Variants in ZC3H7B observed in about 807,000 individuals in gnomAD.
ZC3H7B encodes the protein zinc finger CCCH domain-containing protein 7B.
ZC3H7B carries 35 observed loss-of-function variants against 116.0 expected under a neutral mutation model. The observed-to-expected ratio is 0.30, with a 90% CI of 0.23 to 0.40. The LOEUF (loss-of-function observed/expected upper bound fraction) is 0.40. Ranked by LOEUF, ZC3H7B falls within the 10% of genes least tolerant of loss-of-function variation. The pLI is 1.00. For synonymous variants in ZC3H7B, 502 were observed against 545.6 expected (o/e 0.92, Z 1.11); for missense variants, 1,011 against 1,321.5 (o/e 0.77, Z 3.64).
chr22:41,315,959 A>T (rs1292687412), intron 1 of ZC3H7B, among the ~76,000 whole-genome samples: 2 of 152,004 alleles, frequency 1.3e-5, no homozygotes, highest in Non-Finnish European at 2.9e-5. Context: ...ACCTTATCAC[A>T]TACAAAATAC....
rs1208592048 is a variant in ZC3H7B, at chr22:41,351,281, G to A, written c.1949-280G>A. 6.6e-6 allele frequency among the ~76,000 whole-genome samples: 1 copy of A among 152,176 alleles called. No homozygotes were observed. Among genetic ancestry groups the A allele is most frequent in the Non-Finnish European group, 1.5e-5 (1 of 68,014 alleles). ...CAGGGTCACTGGCATGGGAGCAGAG[G>A]ACTCCCTACCACAGTACAGAGCCAA... is the stretch of plus-strand genomic sequence containing the variant. On this transcript the variant is annotated intron_variant, in intron 16 of 22. Coordinates refer to ENST00000352645, the MANE Select transcript of ZC3H7B (RefSeq NM_017590.6). The surrounding 1 kb of genome is among the most constrained non-coding windows in gnomAD (Gnocchi z 5.1).
In ZC3H7B at chr22:41,339,765, C is replaced by T. The variant is rs372461596; in HGVS notation, c.817-51C>T. On this transcript the variant is annotated intron_variant, in intron 9 of 22. Transcript: ENST00000352645. ...TCCCCAAGTCCTGATGCTGCCCAGG[C>T]CTGGGCAGTCCTGTTTTCCTCTGAC... The T allele has an allele frequency of 2.4e-5, 37 of 1,522,904 alleles. No homozygotes were observed. The African/African-American group carries it at 4.3e-4, about 18-fold the overall frequency. The allele number at this position is 1,522,904 out of a possible 1,614,324, so 94.3% of individuals were successfully genotyped here. A position where few individuals can be genotyped will look rare whatever the true frequency, so the allele number is the denominator to read the frequency against.
chr22:41,353,339 C>T (rs1457852239), intron 17 of ZC3H7B, among the ~76,000 whole-genome samples: 1 of 152,234 alleles, frequency 6.6e-6, no homozygotes, highest in African/African-American at 2.4e-5. Context: ...CCGGGGCTCG[C>T]TCTTCTCCCT....
chr22:41,341,174 C>T (rs372254736), intron 11 of ZC3H7B, 28 bp downstream of exon 11: 136 of 1,613,202 alleles, frequency 8.4e-5, no homozygotes, highest in Non-Finnish European at 1.1e-4. Flanking sequence ...GGATCCAGGC[C>T]TCTCATTCCC....
chr22:41,322,796 CTT>C (rs982928505), intron 2 of ZC3H7B, among the ~76,000 whole-genome samples: 3 of 152,146 alleles, frequency 2.0e-5, no homozygotes, highest in East Asian at 1.9e-4. Flanking sequence ...GTAAAACACT[CTT>C]TGCCTTTTCT....
chr22:41,325,539 G>A (rs752993430), intron 2 of ZC3H7B, 25 bp from the exon 3 acceptor site: 1 of 1,604,456 alleles, frequency 6.2e-7, no homozygotes, highest in Non-Finnish European at 8.5e-7. Context: ...GCTCACCCAG[G>A]CCTCGTGTTT....
At chr22:41,356,150 C>T (rs2036714121) in intron 20 of ZC3H7B, 88 bp downstream of exon 20, 1 of 1,440,448 alleles carries the variant, frequency 6.9e-7, no homozygotes. Flanking sequence ...CAAGAGCGTC[C>T]ACTGCACCCC....
In ZC3H7B at chr22:41,357,044, G is replaced by A. The variant is rs1411487601; in HGVS notation, c.2682-133G>A. 54 of 1,450,446 alleles carry A rather than the reference G, an allele frequency of 3.7e-5. No homozygotes were observed. Among genetic ancestry groups the A allele is most frequent in the Non-Finnish European group, 4.5e-5 (49 of 1,087,518 alleles). The allele number at this position is 1,450,446 out of a possible 1,614,324, so 89.8% of individuals were successfully genotyped here. A position where few individuals can be genotyped will look rare whatever the true frequency, so the allele number is the denominator to read the frequency against. On this transcript the variant is annotated intron_variant, in intron 22 of 22. Coordinates refer to ENST00000352645, the MANE Select transcript of ZC3H7B (RefSeq NM_017590.6). This position sits in a 1 kb window ranked among gnomAD's most constrained non-coding sequence, Gnocchi z 5.4. Reference sequence around the variant, plus strand: ...TCCCAGAGAGGGTCAGGACACCCAGGTTTTCCCTGAGCTGGGACCCAGCTG... The same window carrying A: ...TCCCAGAGAGGGTCAGGACACCCAGATTTTCCCTGAGCTGGGACCCAGCTG...
At chr22:41,337,210 T>C in intron 7 of ZC3H7B, among the ~76,000 whole-genome samples, 1 of 148,690 alleles carries the variant, frequency 6.7e-6, no homozygotes, top group African/African-American at 2.5e-5. Context: ...TGCCTGTAAT[T>C]CCAGCTACTC....
At position 41,356,013 on chromosome 22, in the gene ZC3H7B, A is replaced by C. The variant is rs924570269; in HGVS notation, c.2334A>C (p.Ala778=). The change falls in exon 20 of 23, where the codon GCA becomes GCC. Residue 778 remains alanine (A), a synonymous_variant. Coordinates refer to ENST00000352645, the MANE Select transcript of ZC3H7B (RefSeq NM_017590.6). ...KCQYVGNCSF[A]HSPEERDMWT... The stretch of plus-strand genomic sequence containing the variant: ...AATATGTGGGGAACTGCTCCTTCGC[A>C]CACAGCCCGGAGGAGAGGGACATGT... The C allele has an allele frequency of 6.4e-7, 1 of 1,569,324 alleles. No homozygotes were observed. The highest frequency in any genetic ancestry group is 2.0e-5 in the Admixed American group (1 of 50,918).
At chr22:41,339,262 G>A (rs2036485977) in intron 9 of ZC3H7B, 71 bp downstream of exon 9, 4 of 1,509,178 alleles carry the variant, frequency 2.7e-6, no homozygotes, top group Non-Finnish European at 3.6e-6. Context: ...TCCCAGGGGT[G>A]GAGGGAAGGC....
intron 7 of ZC3H7B, chr22:41,334,274 A>G (rs1477371149): frequency 2.0e-5 from 3 of 152,274 alleles, no homozygotes; most frequent in Non-Finnish European, 4.4e-5. Context: ...CATCACAGCA[A>G]GTGGAGCTGG....
chr22:41,349,115 G>T lies in ZC3H7B; in HGVS notation c.1767-5G>T, dbSNP rs753401408. 6.2e-7 allele frequency: 1 copy of T among 1,613,264 alleles called. No individual in the cohort carries two copies. Among genetic ancestry groups the T allele is most frequent in the Non-Finnish European group, 8.5e-7 (1 of 1,179,860 alleles). ...TCGTGCCCCTCCTGCCTGCCCGCCC[G>T]CCAGGTGCCTGGTGCACATCGTCCG... On this transcript the variant is annotated splice_region_variant and splice_polypyrimidine_tract_variant and intron_variant, in intron 15 of 22. Coordinates refer to ENST00000352645, the MANE Select transcript of ZC3H7B (RefSeq NM_017590.6). This position sits in a 1 kb window ranked among gnomAD's most constrained non-coding sequence, Gnocchi z 4.9.
Position 41,349,023 on chromosome 22 carries a change from C to T in ZC3H7B, c.1767-97C>T. The T allele has an allele frequency of 7.4e-7, 1 of 1,352,872 alleles. No homozygotes were observed. Among genetic ancestry groups the T allele is most frequent in the Non-Finnish European group, 1.0e-6 (1 of 986,734 alleles). 83.8% of individuals were successfully genotyped at this position (1,352,872 alleles called of 1,614,324 possible). A position where few individuals can be genotyped will look rare whatever the true frequency, so the allele number is the denominator to read the frequency against. On this transcript the variant is annotated intron_variant, in intron 15 of 22. Transcript: ENST00000352645. This position sits in a 1 kb window ranked among gnomAD's most constrained non-coding sequence, Gnocchi z 4.9. Reference sequence around the variant, plus strand: ...TTTGGTACATAGATCAGGGGGTGCCCAGGGAGAGCCTGGCACTGGGAAGGT... The same window carrying T: ...TTTGGTACATAGATCAGGGGGTGCCTAGGGAGAGCCTGGCACTGGGAAGGT...
intron 2 of ZC3H7B, among the ~76,000 whole-genome samples, chr22:41,321,533 TAGAGACG>T (rs1174406753): frequency 6.6e-6 from 1 of 151,874 alleles, no homozygotes; most frequent in Non-Finnish European, 1.5e-5. Flanking sequence ...AATTTTTTTG[TAGAGACG>T]AGGTCTTGCT....
rs2036243459 is a variant in ZC3H7B, at chr22:41,320,627, G to A, written c.-6-28G>A. The A allele has an allele frequency of 2.5e-6, 4 of 1,613,466 alleles. No homozygotes were observed. The East Asian group carries it at 6.7e-5, about 27-fold the overall frequency. ...GACGGCAGCCTGGCTCTTGCTGACT[G>A]ACTGATGGACTGTGCTCTCTTCCCC... On this transcript the variant is annotated intron_variant, in intron 1 of 22. Transcript: ENST00000352645.
chr22:41,322,550 C>A (rs928057077), intron 2 of ZC3H7B, among the ~76,000 whole-genome samples: 5 of 151,942 alleles, frequency 3.3e-5, no homozygotes, highest in African/African-American at 1.2e-4. Flanking sequence ...TAACCTTTTT[C>A]TCTTATTGCT....
At chr22:41,301,942 A>G (rs1199311841) in intron 1 of ZC3H7B, among the ~76,000 whole-genome samples, 170 bp downstream of exon 1, 1 of 151,652 alleles carries the variant, frequency 6.6e-6, no homozygotes, top group Non-Finnish European at 1.5e-5. Flanking sequence ...GGAAAGTGGG[A>G]TTTTGCAAAA....
intron 1 of ZC3H7B, among the ~76,000 whole-genome samples, chr22:41,309,008 CTTTTTTTTTTT>C (rs57147100): frequency 9.7e-6 from 1 of 103,304 alleles, no homozygotes; most frequent in African/African-American, 3.4e-5. Flanking sequence ...TCCCAGTCTG[CTTTTTTTTTTT>C]TTTTTTTTTT....
Sources: allele counts gnomAD v4.1 joint callset (sites outside exome capture counted in the v4.1 genomes callset), GRCh38; gene constraint gnomAD v4.1.1; non-coding constraint Gnocchi (gnomAD v3.1); transcripts MANE v1.5; gene names NCBI Gene and HGNC (gene_info 2026-07-23, HGNC 2026-07-21).